Variants in ABCA13 observed in about 807,000 individuals in gnomAD.
ABCA13 encodes the protein ATP binding cassette subfamily A member 13, also known as ATP-binding cassette sub-family A member 13.
A neutral mutation model predicts 478.7 loss-of-function variants in ABCA13; 476 were observed. That is an observed-to-expected ratio of 0.99 (90% CI 0.92 to 1.07). The LOEUF (loss-of-function observed/expected upper bound fraction) is 1.07. Among genes scored for constraint, ABCA13 ranks in the 50% least tolerant of loss-of-function variants. The pLI is 0.00. For missense variants in ABCA13, 6,060 were observed against 5,910.6 expected (o/e 1.03, Z -0.83); for synonymous variants, 2,252 against 2,158.9 (o/e 1.04, Z -1.20).
At chr7:48,474,769 C>T (rs940490684) in intron 45 of ABCA13, among the ~76,000 whole-genome samples, 31 of 152,120 alleles carry the variant, frequency 2.0e-4, no homozygotes, top group African/African-American at 3.4e-4. Context: ...TTTTACACCA[C>T]GCTCTTATTC....
At chr7:48,623,683 A>G (rs982537815) in intron 59 of ABCA13, among the ~76,000 whole-genome samples, 1 of 152,204 alleles carries the variant, frequency 6.6e-6, no homozygotes, top group Non-Finnish European at 1.5e-5. Context: ...GAAAAGCAAA[A>G]AGAGCACATG....
rs1442592467 is a variant in ABCA13 at position 48,634,473 on chromosome 7, A to G, written c.14838-8815A>G. 4.6e-5 allele frequency among the ~76,000 whole-genome samples: 7 copies of G among 152,302 alleles called. No individual in the cohort carries two copies. The East Asian group carries it at 1.3e-3, about 29-fold the overall frequency. ...TGCTTTCTCTTTCATTTCTGATACT[A>G]GTAATTTGAATCATCTCTCTTTTTT... On this transcript the variant is annotated intron_variant, in intron 59 of 61. Coordinates refer to ENST00000435803, the MANE Select transcript of ABCA13 (RefSeq NM_152701.5).
intron 4 of ABCA13, 138 bp downstream of exon 4, chr7:48,219,643 G>A: frequency 8.6e-7 from 1 of 1,165,194 alleles, no homozygotes; most frequent in Non-Finnish European, 1.2e-6. Context: ...TTTGATGGAT[G>A]AGGCCAGCAC....
chr7:48,191,991 T>G (rs965063974), intron 1 of ABCA13, among the ~76,000 whole-genome samples: 1 of 152,144 alleles, frequency 6.6e-6, no homozygotes, highest in African/African-American at 2.4e-5. Context: ...GATTTTTAGG[T>G]TTTTTTTTGT....
chr7:48,592,983 C>A (rs1789905723), intron 57 of ABCA13, among the ~76,000 whole-genome samples: 1 of 151,968 alleles, frequency 6.6e-6, no homozygotes, highest in South Asian at 2.1e-4. Flanking sequence ...AAGTCTCTTG[C>A]AAACAGCATA....
chr7:48,272,502 A>T lies in ABCA13; in HGVS notation c.2836A>T (p.Thr946Ser), dbSNP rs756548867. 1 of 1,613,742 alleles carries T rather than the reference A, an allele frequency of 6.2e-7. No individual in the cohort carries two copies. Reference protein sequence around the residue: ...PQKQEVDKILTHIHLNVFQDK... With the variant: ...PQKQEVDKILSHIHLNVFQDK... ...AAAACAAGAAGTTGATAAAATTTTGACTCACATACACCTAAATGTCTTCCA... is the reference window on the plus strand; with the variant it reads ...AAAACAAGAAGTTGATAAAATTTTGTCTCACATACACCTAAATGTCTTCCA... Residue 946 changes from threonine to serine, a missense_variant, in exon 17 of 62, where the codon ACT (threonine) becomes TCT (serine). Physicochemically the swap from Thr to Ser is moderately conservative, Grantham distance 58 (BLOSUM62 1). Transcript: ENST00000435803.
chr7:48,300,923 C>T (rs1340773422), intron 23 of ABCA13, among the ~76,000 whole-genome samples: 1 of 152,152 alleles, frequency 6.6e-6, no homozygotes, highest in East Asian at 1.9e-4. Context: ...GGCACATGTT[C>T]AAATCAACAA....
chr7:48,567,444 G>T (rs1273181320), intron 55 of ABCA13, among the ~76,000 whole-genome samples: 2 of 152,000 alleles, frequency 1.3e-5, no homozygotes, highest in African/African-American at 4.8e-5. Context: ...GCTTTACATT[G>T]TTAGGGAGCT....
At chr7:48,233,638 T>G (rs1339462924) in intron 7 of ABCA13, among the ~76,000 whole-genome samples, 1 of 152,244 alleles carries the variant, frequency 6.6e-6, no homozygotes, top group African/African-American at 2.4e-5. Flanking sequence ...TTTCAATATT[T>G]TATCAGTATA....
intron 55 of ABCA13, among the ~76,000 whole-genome samples, chr7:48,573,031 T>G (rs560108282): frequency 6.6e-6 from 1 of 152,192 alleles, no homozygotes; most frequent in South Asian, 2.1e-4. Flanking sequence ...TATACTAAAA[T>G]TTTATTTTTA....
At chr7:48,256,124 T>C (rs1340884387) in intron 15 of ABCA13, among the ~76,000 whole-genome samples, 1 of 152,100 alleles carries the variant, frequency 6.6e-6, no homozygotes, top group African/African-American at 2.4e-5. Flanking sequence ...TGTTCATGTC[T>C]TTTGCCTACT....
In ABCA13 at chr7:48,643,397, G is replaced by A. The variant is rs756951800; in HGVS notation, c.14943+4G>A. 8.2e-6 allele frequency: 13 copies of A among 1,591,416 alleles called. No individual in the cohort carries two copies. In the South Asian group the frequency reaches 1.1e-4, roughly 14 times the overall value. On this transcript the variant is annotated splice_donor_region_variant and intron_variant, in intron 60 of 61. Coordinates refer to ENST00000435803, the MANE Select transcript of ABCA13 (RefSeq NM_152701.5). ...TTTTCCAGGAATTCAGTTCAAGGTAGTGCTAATATCTTGTATTATTTCTTT... is the reference window on the plus strand; with the variant it reads ...TTTTCCAGGAATTCAGTTCAAGGTAATGCTAATATCTTGTATTATTTCTTT...
At chr7:48,364,571 C>T (rs1209477435) in intron 31 of ABCA13, among the ~76,000 whole-genome samples, 1 of 152,170 alleles carries the variant, frequency 6.6e-6, no homozygotes, top group Non-Finnish European at 1.5e-5. Flanking sequence ...TCCCCTTTAC[C>T]CTTCCCAGCA....
intron 43 of ABCA13, among the ~76,000 whole-genome samples, chr7:48,457,012 T>C (rs141712535): frequency 1.5e-3 from 223 of 152,212 alleles, no homozygotes; most frequent in African/African-American, 5.0e-3. Context: ...GATTCTTTTC[T>C]TCAACAAATA....
chr7:48,496,968 GT>G (rs148786592), intron 48 of ABCA13, among the ~76,000 whole-genome samples: 10 of 149,112 alleles, frequency 6.7e-5, no homozygotes, highest in Non-Finnish European at 8.9e-5. Flanking sequence ...TAGGTTTATG[GT>G]TTTTTTTTGC....
Position 48,642,490 on chromosome 7 carries a change from A to G in ABCA13, c.14838-798A>G, listed in dbSNP as rs570880454. On this transcript the variant is annotated intron_variant, in intron 59 of 61. Transcript: ENST00000435803. ...CTCATACTGTGCTTGGTACTTAGAAAAGATGCTTCAGTGAACAAAATGGAC... is the reference window on the plus strand; with the variant it reads ...CTCATACTGTGCTTGGTACTTAGAAGAGATGCTTCAGTGAACAAAATGGAC... 2.0e-5 allele frequency among the ~76,000 whole-genome samples: 3 copies of G among 152,340 alleles called. No homozygotes were observed. In the South Asian group the frequency reaches 6.2e-4, roughly 32 times the overall value.
Position 48,272,375 on chromosome 7 carries a change from T to C in ABCA13, c.2709T>C (p.His903=), listed in dbSNP as rs755204748. 2 of 1,613,802 alleles carry C rather than the reference T, an allele frequency of 1.2e-6. No individual in the cohort carries two copies. Among genetic ancestry groups the C allele is most frequent in the Admixed American group, 1.7e-5 (1 of 60,010 alleles). The change falls in exon 17 of 62, where the codon CAT becomes CAC. Residue 903 remains histidine, a synonymous_variant. Transcript: ENST00000435803. ...RLSEAIITSL[H]EFGFLEQEQI... Reference sequence around the variant, plus strand: ...GTGAGGCTATAATAACTAGTCTCCATGAATTTGGATTTTTGGAGCAGGAAC... The same window carrying C: ...GTGAGGCTATAATAACTAGTCTCCACGAATTTGGATTTTTGGAGCAGGAAC...
At chr7:48,502,827 G>A (rs2130828398) in intron 48 of ABCA13, among the ~76,000 whole-genome samples, 1 of 152,238 alleles carries the variant, frequency 6.6e-6, no homozygotes, top group Middle Eastern at 3.4e-3. Context: ...TACAGCACAT[G>A]GCTACAGGCT....
At chr7:48,516,623 T>C in intron 51 of ABCA13, 102 bp from the exon 52 acceptor site, 1 of 1,175,974 alleles carries the variant, frequency 8.5e-7, no homozygotes, top group Non-Finnish European at 1.2e-6. Context: ...AATATCTGCA[T>C]TTTCAGGGAT....
Sources: allele counts gnomAD v4.1 joint callset (sites outside exome capture counted in the v4.1 genomes callset), GRCh38; gene constraint gnomAD v4.1.1; transcripts MANE v1.5; gene names NCBI Gene and HGNC (gene_info 2026-07-23, HGNC 2026-07-21).